The following ARPC1A variants were observed in gnomAD, a reference collection of about 807,000 sequenced individuals.
The protein encoded by ARPC1A is actin related protein 2/3 complex subunit 1A.
ARPC1A carries 8 observed loss-of-function variants against 46.9 expected under a neutral mutation model. The observed-to-expected ratio is 0.17, with a 90% confidence interval of 0.10 to 0.31. The LOEUF (loss-of-function observed/expected upper bound fraction) is 0.31. ARPC1A is among the 10% of genes least tolerant of loss of function. The pLI is 1.00. For synonymous variants in ARPC1A, 152 were observed against 169.0 expected (o/e 0.90, Z 0.78); for missense variants, 286 against 483.6 (o/e 0.59, Z 3.83).
chr7:99,349,240 C>A (rs1416666400), intron 5 of ARPC1A, among the ~76,000 whole-genome samples: 1 of 151,936 alleles, frequency 6.6e-6, no homozygotes. Flanking sequence ...TGTCTTTATT[C>A]TTTGTAGAGA....
intron 6 of ARPC1A, among the ~76,000 whole-genome samples, chr7:99,358,080 G>A (rs1487757096): frequency 1.3e-5 from 2 of 152,206 alleles, no homozygotes; most frequent in African/African-American, 2.4e-5. Flanking sequence ...TGCTGGGGGT[G>A]GAAGGGCGTG....
intron 6 of ARPC1A, among the ~76,000 whole-genome samples, chr7:99,355,561 A>G (rs1012387585): frequency 6.6e-6 from 1 of 152,058 alleles, no homozygotes; most frequent in African/African-American, 2.4e-5. Flanking sequence ...CCTGGCCAAC[A>G]TGGTGAAACC....
In ARPC1A at chr7:99,338,302, G is replaced by A. The variant is rs372813691; in HGVS notation, c.169+17G>A. 39 of 1,548,508 alleles carry A rather than the reference G, an allele frequency of 2.5e-5. No individual in the cohort carries two copies. The highest frequency in any genetic ancestry group is 9.6e-5 in the African/African-American group (7 of 72,788). On this transcript the variant is annotated intron_variant, in intron 3 of 9. Coordinates refer to ENST00000262942, the MANE Select transcript of ARPC1A (RefSeq NM_006409.4). ...ACATCACAGGTAAAGGAAGATAGCC[G>A]TGAGCTTAGTGTGATATTTCCAAAT...
intron 1 of ARPC1A, among the ~76,000 whole-genome samples, chr7:99,327,561 A>G (rs1268891079): frequency 1.3e-5 from 2 of 150,436 alleles, no homozygotes; most frequent in Non-Finnish European, 2.9e-5. Flanking sequence ...AGCTCAAGCT[A>G]TCCTCCCACC....
chr7:99,344,191 A>G lies in ARPC1A; in HGVS notation c.170-102A>G, dbSNP rs1793400562. ...AGGATGTGCCTGGGAGGAAGGTCCC[A>G]AGACCACGTCTCATCCTGGCATGCC... is the stretch of plus-strand genomic sequence containing the variant. On this transcript the variant is annotated intron_variant, in intron 3 of 9. Coordinates refer to ENST00000262942, the MANE Select transcript of ARPC1A (RefSeq NM_006409.4). 6 of 1,072,880 alleles carry G rather than the reference A, an allele frequency of 5.6e-6. No individual in the cohort carries two copies. The East Asian group carries it at 1.5e-4, about 27-fold the overall frequency. 66.5% of individuals were successfully genotyped at this position (1,072,880 alleles called of 1,614,324 possible).
chr7:99,337,502 T>G (rs1181671235), intron 2 of ARPC1A, among the ~76,000 whole-genome samples: 4 of 152,196 alleles, frequency 2.6e-5, no homozygotes, highest in African/African-American at 9.7e-5. Context: ...GAGTGTCATG[T>G]TGATACTCAA....
intron 5 of ARPC1A, among the ~76,000 whole-genome samples, chr7:99,349,692 T>C (rs1486691255): frequency 2.0e-5 from 3 of 151,886 alleles, no homozygotes; most frequent in Non-Finnish European, 4.4e-5. Context: ...TACAAAAAAT[T>C]AGCCGGGCGT....
intron 7 of ARPC1A, chr7:99,358,618 G>A (rs1340723494): frequency 1.2e-5 from 6 of 496,166 alleles, no homozygotes; most frequent in Admixed American, 3.9e-5. Flanking sequence ...TTGACTCACC[G>A]CAACCTCTGC....
chr7:99,327,622 T>C (rs1005919414), intron 1 of ARPC1A, among the ~76,000 whole-genome samples: 3 of 151,988 alleles, frequency 2.0e-5, no homozygotes, highest in Non-Finnish European at 4.4e-5. Flanking sequence ...ACACCCAGCT[T>C]ATATGGCTAT....
chr7:99,332,604 AT>A (rs57321957), intron 1 of ARPC1A, among the ~76,000 whole-genome samples: 3,063 of 141,620 alleles, frequency 0.022, 49 homozygotes, highest in African/African-American at 0.056. Context: ...AATGAGATAG[AT>A]TTTTTTTTTT....
At chr7:99,339,932 T>C (rs1478127097) in intron 3 of ARPC1A, 2 of 454,728 alleles carry the variant, frequency 4.4e-6, no homozygotes, top group Admixed American at 4.7e-5. Context: ...TGTATGAGAG[T>C]GCTCATTTTC....
rs1278076111 is a variant in ARPC1A at position 99,359,576 on chromosome 7, A to G, written c.821A>G (p.Tyr274Cys). 6.2e-7 allele frequency: 1 copy of G among 1,614,144 alleles called. No homozygotes were observed. The highest frequency in any genetic ancestry group is 8.5e-7 in the Non-Finnish European group (1 of 1,180,036). ...GHDCCPMLFNYDDRGCLTFVS... is the reference protein window; with the variant it reads ...GHDCCPMLFNCDDRGCLTFVS... ...GACTGCTGCCCAATGCTCTTTAACT[A>G]CGATGACCGCGGCTGCCTGACCTTC... The change falls in exon 8 of 10, where the codon TAC (tyrosine) becomes TGC (cysteine). Residue 274 changes from tyrosine to cysteine, a missense_variant. This residue lies in a region of ARPC1A where 182 missense variants were observed against 276.7 expected (regional missense o/e 0.66). Coordinates refer to ENST00000262942, the MANE Select transcript of ARPC1A (RefSeq NM_006409.4).
intron 1 of ARPC1A, among the ~76,000 whole-genome samples, chr7:99,329,641 G>T (rs1793110935): frequency 1.3e-5 from 2 of 152,204 alleles, no homozygotes; most frequent in Non-Finnish European, 1.5e-5. Flanking sequence ...TTAAGTGTAT[G>T]TCCAAATATG....
At chr7:99,361,941 A>G (rs573055622) in intron 8 of ARPC1A, among the ~76,000 whole-genome samples, 1 of 152,298 alleles carries the variant, frequency 6.6e-6, no homozygotes, top group South Asian at 2.1e-4. Flanking sequence ...TTTGAATTTC[A>G]TGTAATTTTC....
chr7:99,335,974 C>T (rs1793244581), intron 2 of ARPC1A, among the ~76,000 whole-genome samples: 1 of 151,290 alleles, frequency 6.6e-6, no homozygotes, highest in African/African-American at 2.4e-5. Flanking sequence ...AAAAAAAAAG[C>T]CTCTGTATTG....
intron 8 of ARPC1A, among the ~76,000 whole-genome samples, chr7:99,362,417 T>C (rs548793616): frequency 2.8e-5 from 4 of 143,266 alleles, no homozygotes; most frequent in South Asian, 5.1e-4. Flanking sequence ...CTGCAAGCTC[T>C]GCCTCCTGGG....
At chr7:99,360,419 G>T (rs975542740) in intron 8 of ARPC1A, among the ~76,000 whole-genome samples, 1 of 150,760 alleles carries the variant, frequency 6.6e-6, no homozygotes, top group Non-Finnish European at 1.5e-5. Flanking sequence ...TCTGCCTCCC[G>T]GGTTCAAGCA....
chr7:99,326,238 A>C (rs2150854405), intron 1 of ARPC1A, among the ~76,000 whole-genome samples: 1 of 152,272 alleles, frequency 6.6e-6, no homozygotes, highest in South Asian at 2.1e-4. Flanking sequence ...CGATGCCCGA[A>C]TTAACGGCCC....
chr7:99,365,210 G>A (rs1401023474), intron 9 of ARPC1A, among the ~76,000 whole-genome samples: 1 of 152,118 alleles, frequency 6.6e-6, no homozygotes, highest in African/African-American at 2.4e-5. Context: ...CAGCACTTTG[G>A]GAGGCCGAGG....
Sources: gnomAD v4.1 joint callset for allele counts (sites outside exome capture counted in the v4.1 genomes callset) on GRCh38, gnomAD v4.1.1 for gene constraint, gnomAD v4.1.1 regional missense constraint, MANE v1.5 for transcripts, NCBI Gene and HGNC (gene_info 2026-07-23, HGNC 2026-07-21) for gene names.